ARHGEF18: variants seen among roughly 807,000 people sequenced by gnomAD.
The protein encoded by ARHGEF18 is Rho/Rac guanine nucleotide exchange factor 18.
In ARHGEF18, 93 loss-of-function variants were observed where a neutral mutation model predicts 155.7. The ratio of observed to expected loss-of-function variants is 0.60; its 90% CI spans 0.50 to 0.71. The LOEUF (loss-of-function observed/expected upper bound fraction) is 0.71. Ranked by LOEUF, ARHGEF18 falls within the 30% of genes least tolerant of loss-of-function variation. The pLI is 0.00. For synonymous variants in ARHGEF18, 742 were observed against 753.1 expected, an observed-to-expected ratio of 0.99 and a Z score of 0.24; for missense variants, 1,593 against 1,816.1, an observed-to-expected ratio of 0.88 and a Z score of 2.23.
intron 1 of ARHGEF18, among the ~76,000 whole-genome samples, chr19:7,362,086 A>AGGAAG (rs1969616923): frequency 1.9e-4 from 3 of 16,060 alleles, no homozygotes; most frequent in African/African-American, 4.8e-4. Context: ...GGAGAAGGAG[A>AGGAAG]AGGAGAAGGA....
the ARHGEF18 span, among the ~76,000 whole-genome samples, chr19:7,479,054 G>A: frequency 6.6e-6 from 1 of 152,242 alleles, no homozygotes; most frequent in Non-Finnish European, 1.5e-5. Flanking sequence ...AGAATGGGCA[G>A]GGCCTGGTCA....
At position 7,470,359 on chromosome 19, in the gene ARHGEF18, GGGACCCCCA is replaced by G; in HGVS notation, c.*62_*70del. The G allele has an allele frequency of 7.2e-7, 1 of 1,387,996 alleles. No homozygotes were observed. The highest frequency in any genetic ancestry group is 9.4e-7 in the Non-Finnish European group (1 of 1,065,534). 86.0% of individuals were successfully genotyped at this position (1,387,996 alleles called of 1,614,324 possible). On this transcript the variant is annotated 3_prime_UTR_variant, in exon 29 of 29. Transcript: ENST00000668164. The surrounding 1 kb of genome is among the most constrained non-coding windows in gnomAD (Gnocchi z 5.9). ...CCCTGCCCACCCTTCCTGCTCTCTGGGGACCCCCATGGGGTCACCATGCCCACCCAGCTG... is the reference window on the plus strand; with the variant it reads ...CCCTGCCCACCCTTCCTGCTCTCTGGTGGGGTCACCATGCCCACCCAGCTG...
In ARHGEF18 at chr19:7,419,886, C is replaced by T. The variant is rs114812657; in HGVS notation, c.968-20458C>T. Among the ~76,000 whole-genome samples, 1,490 of 149,352 alleles carry T rather than the reference C, an allele frequency of 1.0e-2. 17 individuals are homozygous for T. Among genetic ancestry groups the T allele is most frequent in the African/African-American group, 0.021 (847 of 39,404 alleles). ...GCCTGGAGTGGAAGCACCTGGGGTGCACCCACACTTGGGCTCTGTACCCCA... is the reference window on the plus strand; with the variant it reads ...GCCTGGAGTGGAAGCACCTGGGGTGTACCCACACTTGGGCTCTGTACCCCA... On this transcript the variant is annotated intron_variant, in intron 10 of 28. Coordinates refer to ENST00000668164, the MANE Select transcript of ARHGEF18 (RefSeq NM_001367823.1).
rs1305722507 is a variant in ARHGEF18, at chr19:7,453,639, C to T, written c.2028C>T (p.Arg676=). The change falls in exon 17 of 29, where the codon CGC becomes CGT. Residue 676 remains arginine, a synonymous_variant. Coordinates refer to ENST00000668164, the MANE Select transcript of ARHGEF18 (RefSeq NM_001367823.1). ...SSKLKNGLTF[R]KEDMLQRQLH... is the part of the protein sequence containing the mutation. ...AACTCAAGAACGGGCTCACCTTCCGCAAGGAAGACATGCTTCAGCGGCAGC... is the reference window on the plus strand; with the variant it reads ...AACTCAAGAACGGGCTCACCTTCCGTAAGGAAGACATGCTTCAGCGGCAGC... 1.9e-6 allele frequency: 3 copies of T among 1,611,558 alleles called. No individual in the cohort carries two copies. The African/African-American group carries it at 4.0e-5, about 22-fold the overall frequency.
intron 1 of ARHGEF18, among the ~76,000 whole-genome samples, chr19:7,361,342 G>A (rs1231876885): frequency 1.3e-5 from 2 of 152,190 alleles, no homozygotes; most frequent in Non-Finnish European, 1.5e-5. Flanking sequence ...ACAGGCTGAG[G>A]CAGGAGAATC....
At chr19:7,416,168 C>A (rs1972993242) in intron 10 of ARHGEF18, among the ~76,000 whole-genome samples, 1 of 152,100 alleles carries the variant, frequency 6.6e-6, no homozygotes, top group South Asian at 2.1e-4. Flanking sequence ...GAGGCCTAGG[C>A]AGGAGGATTA....
chr19:7,437,058 T>G (rs1295289184), intron 10 of ARHGEF18, among the ~76,000 whole-genome samples: 1 of 152,206 alleles, frequency 6.6e-6, no homozygotes, highest in African/African-American at 2.4e-5. Context: ...CAAGAATTCT[T>G]GACTCCTCTG....
chr19:7,402,919 A>G (rs1972093739), intron 10 of ARHGEF18, among the ~76,000 whole-genome samples: 1 of 152,166 alleles, frequency 6.6e-6, no homozygotes, highest in Admixed American at 6.6e-5. Flanking sequence ...TAATTATATG[A>G]TCACAATTTA....
chr19:7,416,236 T>TA (rs34427454), intron 10 of ARHGEF18, among the ~76,000 whole-genome samples: 7 of 150,736 alleles, frequency 4.6e-5, no homozygotes, highest in African/African-American at 1.2e-4. Flanking sequence ...ACCCTATCTC[T>TA]AAAAAAAAAA....
intron 10 of ARHGEF18, among the ~76,000 whole-genome samples, chr19:7,406,523 C>T (rs1028486147): frequency 6.6e-6 from 1 of 152,126 alleles, no homozygotes; most frequent in African/African-American, 2.4e-5. Context: ...TTTTCCTTCC[C>T]CTGCATTCAG....
intron 2 of ARHGEF18, among the ~76,000 whole-genome samples, chr19:7,367,452 A>G (rs943864860): frequency 5.3e-5 from 8 of 151,970 alleles, no homozygotes; most frequent in African/African-American, 1.9e-4. Flanking sequence ...AAAAATAAAA[A>G]AATACTAGCT....
chr19:7,479,692 C>T, the ARHGEF18 span, among the ~76,000 whole-genome samples: 39 of 152,184 alleles, frequency 2.6e-4, no homozygotes, highest in Admixed American at 1.1e-3. Flanking sequence ...CCGCAGCAGG[C>T]GGGGCACACA....
intron 2 of ARHGEF18, among the ~76,000 whole-genome samples, chr19:7,365,543 T>A (rs958644563): frequency 2.0e-5 from 3 of 152,142 alleles, no homozygotes; most frequent in Admixed American, 6.5e-5. Context: ...TGGACCTCTT[T>A]GAAAGAGAAC....
At chr19:7,472,665 T>C (rs1977094565), downstream of ARHGEF18, among the ~76,000 whole-genome samples, 1 of 152,008 alleles carries the variant, frequency 6.6e-6, no homozygotes, top group African/African-American at 2.4e-5. Context: ...CAGGAGTTGT[T>C]GGGGGTTTTG....
intron 14 of ARHGEF18, among the ~76,000 whole-genome samples, chr19:7,446,739 T>A (rs1008831939): frequency 7.3e-5 from 11 of 150,694 alleles, no homozygotes; most frequent in African/African-American, 2.7e-4. Context: ...AGACTCTGTC[T>A]AAAAAAAATT....
At position 7,470,789 on chromosome 19, in the gene ARHGEF18, G is replaced by A. The variant is rs774112438; in HGVS notation, c.*491G>A. The A allele has an allele frequency of 3.5e-5, 14 of 401,002 alleles. No individual in the cohort carries two copies. Among genetic ancestry groups the A allele is most frequent in the East Asian group, 1.4e-4 (4 of 28,078 alleles). 24.8% of individuals were successfully genotyped at this position (401,002 alleles called of 1,614,324 possible). A position where few individuals can be genotyped will look rare whatever the true frequency, so the allele number is the denominator to read the frequency against. On this transcript the variant is annotated 3_prime_UTR_variant, in exon 29 of 29. Transcript: ENST00000668164. This position sits in a 1 kb window ranked among gnomAD's most constrained non-coding sequence, Gnocchi z 5.9. ...AGGGCACCAGGAGGGGCCAGGTGGC[G>A]TCGGCAGCATCTGTCCCCAGAATCA...
At chr19:7,430,368 A>ATT (rs11301630) in intron 10 of ARHGEF18, among the ~76,000 whole-genome samples, 2 of 143,724 alleles carry the variant, frequency 1.4e-5, no homozygotes. Context: ...TGCCTGGCTA[A>ATT]TTTTTTTTTT....
chr19:7,467,147 C>G, intron 25 of ARHGEF18, 29 bp downstream of exon 25: 1 of 1,583,806 alleles, frequency 6.3e-7, no homozygotes, highest in Non-Finnish European at 8.6e-7. Flanking sequence ...GCCGGCCACG[C>G]GTGCCCTTTC....
At chr19:7,450,384 A>C (rs1975304732) in intron 15 of ARHGEF18, among the ~76,000 whole-genome samples, 2 of 152,252 alleles carry the variant, frequency 1.3e-5, no homozygotes, top group African/African-American at 4.8e-5. Flanking sequence ...TGAGATGTTA[A>C]TACGGGATCT....
Sources: allele counts gnomAD v4.1 joint callset (sites outside exome capture counted in the v4.1 genomes callset), GRCh38; gene constraint gnomAD v4.1.1; non-coding constraint Gnocchi (gnomAD v3.1); transcripts MANE v1.5; gene names NCBI Gene and HGNC (gene_info 2026-07-23, HGNC 2026-07-21).